ESRP1: variants seen among roughly 807,000 people sequenced by gnomAD.
ESRP1 encodes the protein RNA-binding motif protein 35A.
In ESRP1, 33 loss-of-function variants were observed where a neutral mutation model predicts 81.7. That is an observed-to-expected ratio of 0.40 (90% CI 0.31 to 0.54). The LOEUF (loss-of-function observed/expected upper bound fraction) is 0.54. Ranked by LOEUF, ESRP1 falls within the 20% of genes least tolerant of loss-of-function variation. ESRP1 has a pLI of 0.41. For synonymous variants in ESRP1, 320 were observed against 303.3 expected (o/e 1.06, Z -0.57); for missense variants, 672 against 833.1 (o/e 0.81, Z 2.38).
Position 94,662,153 on chromosome 8 carries a change from T to G in ESRP1, c.491-119T>G, listed in dbSNP as rs889609917. ...TGATGGGAGGCAGCCATTCTGAGAT[T>G]TCTAAAGGAAGCTCAGCTAGATCCA... is the stretch of plus-strand genomic sequence containing the variant. On this transcript the variant is annotated intron_variant, in intron 4 of 15. Transcript: ENST00000433389. 1.1e-5 allele frequency: 7 copies of G among 622,310 alleles called. No homozygotes were observed. In the African/African-American group the frequency reaches 1.1e-4, roughly 10 times the overall value. The allele number at this position is 622,310 out of a possible 1,614,324, so 38.5% of individuals were successfully genotyped here.
intron 12 of ESRP1, among the ~76,000 whole-genome samples, chr8:94,676,744 C>T (rs1370204991): frequency 5.9e-5 from 9 of 151,766 alleles, no homozygotes; most frequent in African/African-American, 1.7e-4. Flanking sequence ...GTGATCTGCC[C>T]GCTTCGGCCT....
Position 94,678,370 on chromosome 8 carries a change from A to G in ESRP1, c.1819A>G (p.Ser607Gly). 1 of 1,611,964 alleles carries G rather than the reference A, an allele frequency of 6.2e-7. No individual in the cohort carries two copies. The highest frequency in any genetic ancestry group is 8.5e-7 in the Non-Finnish European group (1 of 1,178,818). Residue 607 changes from serine to glycine, a missense_variant and splice_region_variant, in exon 13 of 16, where the codon AGC becomes GGC. Physicochemically the swap from Ser to Gly is moderately conservative, Grantham distance 56. Transcript: ENST00000433389. ...LFMNYTAYYP[S>G]PPGSPNSLGY... Reference sequence around the variant, plus strand: ...CATGAATTACACAGCGTACTATCCCAGGTAAGGCTCTGACAGAGGTGGAAA... The same window carrying G: ...CATGAATTACACAGCGTACTATCCCGGGTAAGGCTCTGACAGAGGTGGAAA...
In ESRP1 at chr8:94,664,724, C is replaced by T; in HGVS notation, c.672C>T (p.Asn224=). The part of the protein sequence containing the change: ...TCSKMELIDD[N]TVVRARGLPW... ...GCAAGATGGAACTTATTGATGATAA[C>T]ACCGTAGTCAGGGCACGAGGTTTAC... The change falls in exon 7 of 16, where the codon AAC becomes AAT. Residue 224 remains asparagine, a synonymous_variant. Coordinates refer to ENST00000433389, the MANE Select transcript of ESRP1 (RefSeq NM_017697.4). The T allele has an allele frequency of 1.9e-6, 3 of 1,613,872 alleles. No individual in the cohort carries two copies. The highest frequency in any genetic ancestry group is 2.5e-6 in the Non-Finnish European group (3 of 1,179,804).
At chr8:94,662,186 C>G in intron 4 of ESRP1, 86 bp from the exon 5 acceptor site, 1 of 774,384 alleles carries the variant, frequency 1.3e-6, no homozygotes, top group East Asian at 2.8e-5. Context: ...CCATCTTCTT[C>G]CTCTTGGCTT....
Position 94,681,139 on chromosome 8 carries a change from C to T in ESRP1, c.1820+2768C>T, listed in dbSNP as rs890216047. ...AGGAGATAGAGACCATCCTGGCTAA[C>T]ATGGTGAAACCCCGTCTCTACTAAA... On this transcript the variant is annotated intron_variant, in intron 13 of 15. Coordinates refer to ENST00000433389, the MANE Select transcript of ESRP1 (RefSeq NM_017697.4). Among the ~76,000 whole-genome samples, 52 of 151,030 alleles carry T rather than the reference C, an allele frequency of 3.4e-4. 1 individual carries two copies. Among genetic ancestry groups the T allele is most frequent in the Admixed American group, 3.0e-3 (46 of 15,190 alleles).
chr8:94,698,096 A>G (rs1295245054), intron 15 of ESRP1, among the ~76,000 whole-genome samples: 1 of 152,192 alleles, frequency 6.6e-6, no homozygotes, highest in Non-Finnish European at 1.5e-5. Context: ...CCTCTTTTAA[A>G]AAGATTGTTG....
Position 94,678,478 on chromosome 8 carries a change from G to A in ESRP1, c.1820+107G>A, listed in dbSNP as rs371282389. ...ATTGTCTGCCATGTTGAAGGTTAGCGTGGCAGGCCACAGCCTCTGGTCATA... is the reference window on the plus strand; with the variant it reads ...ATTGTCTGCCATGTTGAAGGTTAGCATGGCAGGCCACAGCCTCTGGTCATA... On this transcript the variant is annotated intron_variant, in intron 13 of 15. Transcript: ENST00000433389. The A allele has an allele frequency of 9.8e-5, 128 of 1,305,886 alleles. No individual in the cohort carries two copies. The East Asian group carries it at 1.9e-3, about 19-fold the overall frequency. The allele number at this position is 1,305,886 out of a possible 1,614,324, so 80.9% of individuals were successfully genotyped here. A position where few individuals can be genotyped will look rare whatever the true frequency, so the allele number is the denominator to read the frequency against.
intron 1 of ESRP1, chr8:94,641,752 C>A: frequency 1.2e-6 from 1 of 819,470 alleles, no homozygotes; most frequent in Non-Finnish European, 1.7e-6. Flanking sequence ...CCGGGGTCCA[C>A]TTCCAGGGCT....
chr8:94,668,108 A>C lies in ESRP1; in HGVS notation c.1091A>C (p.Tyr364Ser). ...AAGGAAGGCATCCTCTTTGTCACCT[A>C]CCCAGATGGTAGGCCAACAGGGGAC... ...GGKEGILFVT[Y>S]PDGRPTGDAF... Residue 364 changes from tyrosine to serine, a missense_variant, in exon 10 of 16, where the codon TAC (tyrosine) becomes TCC (serine). Physicochemically the swap from Tyr to Ser is moderately radical, Grantham distance 144. Transcript: ENST00000433389. 1 of 1,613,994 alleles carries C rather than the reference A, an allele frequency of 6.2e-7. No individual in the cohort carries two copies. The highest frequency in any genetic ancestry group is 8.5e-7 in the Non-Finnish European group (1 of 1,179,888).
intron 14 of ESRP1, 36 bp from the exon 15 acceptor site, chr8:94,696,816 G>C: frequency 6.8e-7 from 1 of 1,466,358 alleles, no homozygotes; most frequent in Non-Finnish European, 9.3e-7. Context: ...CAGTTTGTCC[G>C]TCTTTTGATC....
Position 94,641,296 on chromosome 8 carries a change from T to G in ESRP1, c.-23T>G. On this transcript the variant is annotated 5_prime_UTR_variant, in exon 1 of 16. Transcript: ENST00000433389. The stretch of plus-strand genomic sequence containing the variant: ...CACCTTACCGCCTCCCGACCCCCCC[T>G]CTCCCCCTCCCCACCTATCGTCATG... 23 of 834,072 alleles carry G rather than the reference T, an allele frequency of 2.8e-5. No homozygotes were observed. The highest frequency in any genetic ancestry group is 3.7e-5 in the Non-Finnish European group (20 of 534,166). 51.7% of individuals were successfully genotyped at this position (834,072 alleles called of 1,614,324 possible). A position where few individuals can be genotyped will look rare whatever the true frequency, so the allele number is the denominator to read the frequency against.
intron 13 of ESRP1, among the ~76,000 whole-genome samples, chr8:94,684,271 T>C (rs1809049259): frequency 6.6e-6 from 1 of 152,208 alleles, no homozygotes; most frequent in East Asian, 1.9e-4. Context: ...ATTTATTTGT[T>C]TGGTTCCTTA....
At chr8:94,655,537 T>C (rs1390863204) in intron 4 of ESRP1, among the ~76,000 whole-genome samples, 1 of 152,166 alleles carries the variant, frequency 6.6e-6, no homozygotes, top group African/African-American at 2.4e-5. Context: ...GGTGACATTT[T>C]TTGTTTCCTT....
At chr8:94,693,778 G>A (rs910059561) in intron 14 of ESRP1, among the ~76,000 whole-genome samples, 1 of 152,150 alleles carries the variant, frequency 6.6e-6, no homozygotes, top group African/African-American at 2.4e-5. Context: ...ATGGGTTTAC[G>A]AGCTTGGCAT....
At chr8:94,647,325 G>T (rs1336914732) in intron 4 of ESRP1, among the ~76,000 whole-genome samples, 1 of 152,140 alleles carries the variant, frequency 6.6e-6, no homozygotes, top group African/African-American at 2.4e-5. Flanking sequence ...TTGTTAAAAA[G>T]GTTAGTACAC....
chr8:94,698,392 ATG>A (rs1456376701), intron 15 of ESRP1, among the ~76,000 whole-genome samples: 1 of 150,236 alleles, frequency 6.7e-6, no homozygotes, highest in Non-Finnish European at 1.5e-5. Context: ...ACTTAGCATT[ATG>A]TGTTTAAGTA....
At chr8:94,673,548 T>G (rs779459493) in intron 11 of ESRP1, among the ~76,000 whole-genome samples, 6 of 152,190 alleles carry the variant, frequency 3.9e-5, no homozygotes, top group Non-Finnish European at 8.8e-5. Context: ...CATAAAACAT[T>G]CGTGCTCAAT....
intron 6 of ESRP1, among the ~76,000 whole-genome samples, chr8:94,664,268 C>G (rs1406900427): frequency 6.6e-6 from 1 of 151,936 alleles, no homozygotes; most frequent in African/African-American, 2.4e-5. Flanking sequence ...GGATTATAAG[C>G]GTACACCACC....
chr8:94,689,665 G>A (rs1489942185), intron 13 of ESRP1, among the ~76,000 whole-genome samples: 1 of 151,508 alleles, frequency 6.6e-6, no homozygotes, highest in Non-Finnish European at 1.5e-5. Flanking sequence ...GGATTTTTTT[G>A]TTTTGAGACA....
Sources: gnomAD v4.1 joint callset for allele counts (sites outside exome capture counted in the v4.1 genomes callset) on GRCh38, gnomAD v4.1.1 for gene constraint, MANE v1.5 for transcripts, NCBI Gene and HGNC (gene_info 2026-07-23, HGNC 2026-07-21) for gene names.